ZNF804B: variants seen among roughly 807,000 people sequenced by gnomAD.
The protein encoded by ZNF804B is zinc finger 804B.
In ZNF804B, 80 loss-of-function variants were observed where a neutral mutation model predicts 101.4. That is an observed-to-expected ratio of 0.79 (90% CI 0.66 to 0.95). The LOEUF is 0.95. ZNF804B is among the 40% of genes least tolerant of loss of function. The probability of loss-of-function intolerance (pLI) is 0.00; values close to 1 mark genes in which losing one functional copy is unlikely to be tolerated. For synonymous variants in ZNF804B, 622 were observed against 558.8 expected (o/e 1.11, Z -1.59); for missense variants, 1,673 against 1,561.9 (o/e 1.07, Z -1.20).
At chr7:89,012,902 G>T (rs890491123) in intron 1 of ZNF804B, among the ~76,000 whole-genome samples, 2 of 152,262 alleles carry the variant, frequency 1.3e-5, no homozygotes, top group South Asian at 2.1e-4. Flanking sequence ...AAGAAAAGAG[G>T]TTTAATTGAT....
At chr7:88,807,044 T>A (rs1790702770) in intron 1 of ZNF804B, among the ~76,000 whole-genome samples, 1 of 152,196 alleles carries the variant, frequency 6.6e-6, no homozygotes, top group South Asian at 2.1e-4. Flanking sequence ...ACTGTTTTCT[T>A]TGTGACTTAA....
chr7:89,136,902 G>A (rs951538141), intron 1 of ZNF804B, among the ~76,000 whole-genome samples: 2 of 151,968 alleles, frequency 1.3e-5, no homozygotes, highest in Non-Finnish European at 2.9e-5. Context: ...ATGATAGTGA[G>A]TAAGTCTCAT....
In ZNF804B at chr7:89,279,561, A is replaced by G. The variant is rs1790047349; in HGVS notation, c.250-47783A>G. Among the ~76,000 whole-genome samples, 5 of 151,956 alleles carry G rather than the reference A, an allele frequency of 3.3e-5. No homozygotes were observed. The South Asian group carries it at 1.0e-3, about 32-fold the overall frequency. ...AATTTATTGAGAGTTTTTAGCATGA[A>G]GCGTTGTTGAATTTTGTCAAAGGCC... is the stretch of plus-strand genomic sequence containing the variant. On this transcript the variant is annotated intron_variant, in intron 2 of 3. Transcript: ENST00000333190.
chr7:89,321,434 G>A (rs1790818358), intron 2 of ZNF804B, among the ~76,000 whole-genome samples: 1 of 152,014 alleles, frequency 6.6e-6, no homozygotes, highest in Non-Finnish European at 1.5e-5. Context: ...AGCTGAGATT[G>A]CACCACTGTA....
At chr7:89,245,873 A>T (rs1228281873) in intron 2 of ZNF804B, among the ~76,000 whole-genome samples, 3 of 152,122 alleles carry the variant, frequency 2.0e-5, no homozygotes, top group Non-Finnish European at 2.9e-5. Context: ...TCCTTCTGTG[A>T]CTCAACTTTC....
At chr7:88,907,634 A>G (rs1191753524) in intron 1 of ZNF804B, among the ~76,000 whole-genome samples, 2 of 151,960 alleles carry the variant, frequency 1.3e-5, no homozygotes, top group African/African-American at 2.4e-5. Flanking sequence ...TAAGTAGCCC[A>G]AAGTTTGGGG....
intron 1 of ZNF804B, among the ~76,000 whole-genome samples, chr7:89,116,336 T>C (rs899655049): frequency 2.0e-5 from 3 of 152,194 alleles, no homozygotes; most frequent in Non-Finnish European, 4.4e-5. Context: ...AAAACACATA[T>C]TACTCCTTAA....
intron 1 of ZNF804B, among the ~76,000 whole-genome samples, chr7:88,774,143 T>G (rs920237571): frequency 3.9e-5 from 6 of 151,982 alleles, no homozygotes; most frequent in Admixed American, 3.9e-4. Flanking sequence ...TTAATTTAGA[T>G]CTATACAATT....
intron 2 of ZNF804B, among the ~76,000 whole-genome samples, chr7:89,317,084 A>G (rs1030611156): frequency 1.3e-5 from 2 of 152,206 alleles, no homozygotes; most frequent in African/African-American, 4.8e-5. Flanking sequence ...ATAGGTATAC[A>G]GAGACTAAGA....
At chr7:88,790,155 T>A (rs1165506765) in intron 1 of ZNF804B, among the ~76,000 whole-genome samples, 2 of 152,158 alleles carry the variant, frequency 1.3e-5, no homozygotes, top group Non-Finnish European at 2.9e-5. Context: ...TTCGCTGTTA[T>A]ATGAATATTA....
intron 1 of ZNF804B, among the ~76,000 whole-genome samples, chr7:88,803,027 C>T (rs1790613762): frequency 6.6e-6 from 1 of 151,988 alleles, no homozygotes; most frequent in African/African-American, 2.4e-5. Context: ...GGATTCCCAA[C>T]CTTATTTTTA....
Position 89,335,263 on chromosome 7 carries a change from A to T in ZNF804B, c.2281A>T (p.Asn761Tyr), listed in dbSNP as rs764915797. The T allele has an allele frequency of 8.7e-6, 14 of 1,613,704 alleles. No homozygotes were observed. The highest frequency in any genetic ancestry group is 1.2e-5 in the Non-Finnish European group (14 of 1,179,964). Reference sequence around the variant, plus strand: ...GCACAAACGGAAATGTCTAAAGCACAACTGCTTCTACTTGTCTGATGATAT... The same window carrying T: ...GCACAAACGGAAATGTCTAAAGCACTACTGCTTCTACTTGTCTGATGATAT... ...ERHKRKCLKH[N>Y]CFYLSDDITK... The change falls in exon 4 of 4, where the codon AAC becomes TAC. Residue 761 changes from asparagine (N) to tyrosine (Y), a missense_variant. By Grantham distance (143) the Asn-to-Tyr change is moderately radical. Coordinates refer to ENST00000333190, the MANE Select transcript of ZNF804B (RefSeq NM_181646.5).
chr7:88,849,282 G>A (rs1209556729), intron 1 of ZNF804B, among the ~76,000 whole-genome samples: 3 of 151,930 alleles, frequency 2.0e-5, no homozygotes, highest in African/African-American at 7.3e-5. Flanking sequence ...ATTGAACAGA[G>A]TATTCTAATA....
At chr7:89,329,132 A>G (rs74581792) in intron 3 of ZNF804B, among the ~76,000 whole-genome samples, 390 of 151,966 alleles carry the variant, frequency 2.6e-3, no homozygotes, top group African/African-American at 9.1e-3. Context: ...TCACTAAACA[A>G]ACACAAACCT....
intron 2 of ZNF804B, among the ~76,000 whole-genome samples, chr7:89,226,748 A>C (rs1429021751): frequency 6.6e-6 from 1 of 152,120 alleles, no homozygotes; most frequent in Non-Finnish European, 1.5e-5. Context: ...TGACTTGTAA[A>C]TATTTTTCCA....
chr7:88,854,487 CT>C (rs1791514276), intron 1 of ZNF804B, among the ~76,000 whole-genome samples: 1 of 62,402 alleles, frequency 1.6e-5, no homozygotes, highest in African/African-American at 9.6e-5. Context: ...CTTTCCTTTC[CT>C]TTCCTTTCCT....
intron 1 of ZNF804B, among the ~76,000 whole-genome samples, chr7:89,118,722 T>C (rs899348277): frequency 2.0e-5 from 3 of 152,194 alleles, no homozygotes; most frequent in African/African-American, 7.2e-5. Flanking sequence ...TCAATTGTTA[T>C]CTGAAATGTG....
chr7:88,938,026 T>G (rs1170355326), intron 1 of ZNF804B, among the ~76,000 whole-genome samples: 1 of 152,034 alleles, frequency 6.6e-6, no homozygotes, highest in Non-Finnish European at 1.5e-5. Flanking sequence ...TTTTATACAT[T>G]TTAGAGAGCA....
chr7:89,245,528 A>C (rs1287490104), intron 2 of ZNF804B, among the ~76,000 whole-genome samples: 1 of 152,232 alleles, frequency 6.6e-6, no homozygotes, highest in East Asian at 1.9e-4. Context: ...AATAAGTTTT[A>C]AGTAGGAAAT....
Sources: gnomAD v4.1 joint callset for allele counts (sites outside exome capture counted in the v4.1 genomes callset) on GRCh38, gnomAD v4.1.1 for gene constraint, MANE v1.5 for transcripts, NCBI Gene and HGNC (gene_info 2026-07-23, HGNC 2026-07-21) for gene names.